ORC3: variants seen among roughly 807,000 people sequenced by gnomAD.
ORC3 encodes the protein homolog of latheo, Drosophila.
Under a neutral mutation model 100.7 loss-of-function variants are expected in ORC3, and 78 were observed. The ratio of observed to expected loss-of-function variants is 0.77; its 90% CI spans 0.65 to 0.94. The LOEUF (loss-of-function observed/expected upper bound fraction) is 0.94. ORC3 is among the 40% of genes least tolerant of loss of function. The probability of loss-of-function intolerance (pLI) is 0.00; values close to 1 mark genes in which losing one functional copy is unlikely to be tolerated. For synonymous variants in ORC3, 295 were observed against 289.3 expected (o/e 1.02, Z -0.20); for missense variants, 789 against 823.9 (o/e 0.96, Z 0.52).
chr6:87,605,999 A>G lies in ORC3; in HGVS notation c.405A>G (p.Ser135=), dbSNP rs373119034. The G allele has an allele frequency of 2.5e-6, 4 of 1,582,266 alleles. No individual in the cohort carries two copies. Among genetic ancestry groups the G allele is most frequent in the African/African-American group, 2.8e-5 (2 of 70,586 alleles). ...LQNNVTPYVV[S]LQAKDCPDMK... is the part of the protein sequence containing the mutation. ...ATAATGTCACACCATATGTAGTCTC[A>G]TTGCAAGCTAAAGATTGTCCAGGTA... The change falls in exon 5 of 20, where the codon TCA becomes TCG. Residue 135 remains serine, a synonymous_variant. Transcript: ENST00000392844.
chr6:87,602,701 A>G (rs1777999321), intron 3 of ORC3, among the ~76,000 whole-genome samples: 1 of 151,412 alleles, frequency 6.6e-6, no homozygotes, highest in Non-Finnish European at 1.5e-5. Flanking sequence ...TATCCTCCTG[A>G]CTGGCATCCC....
intron 11 of ORC3, among the ~76,000 whole-genome samples, chr6:87,629,317 G>T (rs1780140884): frequency 6.6e-6 from 1 of 152,156 alleles, no homozygotes; most frequent in Non-Finnish European, 1.5e-5. Context: ...GAAGTTTATA[G>T]TCATTTTTAC....
intron 9 of ORC3, among the ~76,000 whole-genome samples, chr6:87,617,345 T>A (rs1026090932): frequency 2.0e-5 from 3 of 152,152 alleles, no homozygotes; most frequent in African/African-American, 7.2e-5. Flanking sequence ...AAGATCCCCA[T>A]TCTCCAGTTG....
At chr6:87,652,430 C>T (rs147798213) in intron 13 of ORC3, among the ~76,000 whole-genome samples, 197 of 152,260 alleles carry the variant, frequency 1.3e-3, no homozygotes, top group African/African-American at 4.0e-3. Flanking sequence ...TCTTCTATAG[C>T]TGTGAATGAG....
chr6:87,621,622 G>T, intron 10 of ORC3, 135 bp downstream of exon 10: 2 of 695,990 alleles, frequency 2.9e-6, no homozygotes, highest in Non-Finnish European at 2.2e-6. Flanking sequence ...GATTTCCCTT[G>T]TTGGATTTGA....
At chr6:87,627,006 A>T (rs866892096) in intron 11 of ORC3, among the ~76,000 whole-genome samples, 66 of 151,298 alleles carry the variant, frequency 4.4e-4, no homozygotes, top group African/African-American at 1.4e-3. Context: ...ATTTTATTTT[A>T]TTTTTTTTGA....
chr6:87,596,053 T>A (rs1329203615), intron 2 of ORC3, among the ~76,000 whole-genome samples: 2 of 151,476 alleles, frequency 1.3e-5, no homozygotes, highest in Non-Finnish European at 2.9e-5. Context: ...GTTGCCCAGG[T>A]TGGTCCTGAA....
chr6:87,653,824 T>G (rs1022526897), intron 14 of ORC3, among the ~76,000 whole-genome samples: 1 of 152,212 alleles, frequency 6.6e-6, no homozygotes, highest in African/African-American at 2.4e-5. Flanking sequence ...GTTGGAGGGT[T>G]ACAGTTTCTC....
In ORC3 at chr6:87,667,247, T is replaced by C; in HGVS notation, c.*124T>C. ...GATAAATGTGTAACCCCCATTGATGTTTAACCAGAAAAGTACATTGCTAAC... is the reference window on the plus strand; with the variant it reads ...GATAAATGTGTAACCCCCATTGATGCTTAACCAGAAAAGTACATTGCTAAC... On this transcript the variant is annotated 3_prime_UTR_variant, in exon 20 of 20. Coordinates refer to ENST00000392844, the MANE Select transcript of ORC3 (RefSeq NM_012381.4). 1 of 588,636 alleles carries C rather than the reference T, an allele frequency of 1.7e-6. No individual in the cohort carries two copies. Among genetic ancestry groups the C allele is most frequent in the Non-Finnish European group, 2.9e-6 (1 of 340,444 alleles). The allele number at this position is 588,636 out of a possible 1,614,324, so 36.5% of individuals were successfully genotyped here. A position where few individuals can be genotyped will look rare whatever the true frequency, so the allele number is the denominator to read the frequency against.
chr6:87,649,888 G>A (rs1330032543), intron 13 of ORC3, among the ~76,000 whole-genome samples: 1 of 151,802 alleles, frequency 6.6e-6, no homozygotes, highest in Non-Finnish European at 1.5e-5. Context: ...TTTAATATAG[G>A]TCATACACAT....
intron 11 of ORC3, among the ~76,000 whole-genome samples, chr6:87,631,588 G>C (rs1474550187): frequency 6.6e-6 from 1 of 152,038 alleles, no homozygotes; most frequent in Non-Finnish European, 1.5e-5. Context: ...CGCCTCCTGG[G>C]TTCAAGTGAT....
chr6:87,651,154 T>C (rs1372259277), intron 13 of ORC3: 2 of 456,228 alleles, frequency 4.4e-6, no homozygotes, highest in Non-Finnish European at 8.8e-6. Flanking sequence ...GCCCTCTTTT[T>C]TGGTCTCCTG....
chr6:87,670,207 G>A (rs906538885), downstream of ORC3, among the ~76,000 whole-genome samples: 1 of 152,048 alleles, frequency 6.6e-6, no homozygotes. Flanking sequence ...ATTTCACTCT[G>A]TCACCCAGAG....
At chr6:87,611,424 A>G (rs1228747725) in intron 7 of ORC3, among the ~76,000 whole-genome samples, 1 of 152,182 alleles carries the variant, frequency 6.6e-6, no homozygotes, top group Non-Finnish European at 1.5e-5. Context: ...AAGACTATAG[A>G]AAGGGCTCAA....
chr6:87,617,017 C>T (rs573565681), intron 9 of ORC3, among the ~76,000 whole-genome samples: 6 of 152,194 alleles, frequency 3.9e-5, no homozygotes, highest in East Asian at 1.9e-4. Context: ...AGGCTGGTCT[C>T]GAACTCCTGA....
chr6:87,620,178 C>T (rs1171988474), intron 9 of ORC3, among the ~76,000 whole-genome samples: 1 of 152,200 alleles, frequency 6.6e-6, no homozygotes, highest in Non-Finnish European at 1.5e-5. Flanking sequence ...CATTCCTCTT[C>T]CGCAGCAAGC....
intron 13 of ORC3, among the ~76,000 whole-genome samples, chr6:87,643,724 T>C (rs1276900585): frequency 6.6e-6 from 1 of 152,218 alleles, no homozygotes; most frequent in Admixed American, 6.5e-5. Context: ...TCATCAAATT[T>C]TGACAACTCT....
At chr6:87,637,872 G>T (rs1226953729) in intron 13 of ORC3, among the ~76,000 whole-genome samples, 1 of 152,096 alleles carries the variant, frequency 6.6e-6, no homozygotes, top group East Asian at 1.9e-4. Context: ...ACTTTGTTAG[G>T]CACTCTCAGT....
intron 13 of ORC3, among the ~76,000 whole-genome samples, chr6:87,646,281 C>T (rs1037687921): frequency 6.6e-6 from 1 of 152,112 alleles, no homozygotes; most frequent in Non-Finnish European, 1.5e-5. Flanking sequence ...CTACCGTGCT[C>T]TGCCAATTGT....
Sources: allele counts gnomAD v4.1 joint callset (sites outside exome capture counted in the v4.1 genomes callset), GRCh38; gene constraint gnomAD v4.1.1; transcripts MANE v1.5; gene names NCBI Gene and HGNC (gene_info 2026-07-23, HGNC 2026-07-21).